The following CKAP5 variants were observed in gnomAD, a reference collection of about 807,000 sequenced individuals.
The protein encoded by CKAP5 is cytoskeleton-associated protein 5.
Under a neutral mutation model 232.8 loss-of-function variants are expected in CKAP5, and 27 were observed. The ratio of observed to expected loss-of-function variants is 0.12; its 90% CI spans 0.09 to 0.16. The LOEUF (loss-of-function observed/expected upper bound fraction) is 0.16, where lower values mean the gene tolerates loss of function less well. Among genes scored for constraint, CKAP5 ranks in the 10% least tolerant of loss-of-function variants. The pLI is 1.00. For synonymous variants in CKAP5, 785 were observed against 841.1 expected (o/e 0.93, Z 1.16); for missense variants, 1,838 against 2,424.7 (o/e 0.76, Z 5.08).
rs1275635693 is a variant in CKAP5, at chr11:46,759,459, G to A, written c.4395-17C>T. 10 of 1,607,126 alleles carry A rather than the reference G, an allele frequency of 6.2e-6. No individual in the cohort carries two copies. The highest frequency in any genetic ancestry group is 8.5e-6 in the Non-Finnish European group (10 of 1,177,362). On this transcript the variant is annotated splice_polypyrimidine_tract_variant and intron_variant, in intron 33 of 43. Transcript: ENST00000529230. ...CGGGCTTGGCTAAGGGAAGCAAAAG[G>A]AGGCTCCTGAACTAAAAGAGACTTC... is the stretch of plus-strand genomic sequence containing the variant.
Position 46,828,837 on chromosome 11 carries a change from G to A in CKAP5, c.-37-7569C>T, listed in dbSNP as rs941966034. Among the ~76,000 whole-genome samples the A allele has an allele frequency of 1.1e-4, 17 of 152,162 alleles. 2 individuals are homozygous for A. Among genetic ancestry groups the A allele is most frequent in the Middle Eastern group, 6.8e-3 (2 of 294 alleles). On this transcript the variant is annotated intron_variant, in intron 1 of 43. Coordinates refer to ENST00000529230, the MANE Select transcript of CKAP5 (RefSeq NM_001008938.4). The stretch of plus-strand genomic sequence containing the variant: ...ATTCATAGAACCAGAAAGTAGAATG[G>A]TAGTAACCAAAGATGGGGTGGGGGT...
rs1939457457 is a variant in CKAP5 at position 46,818,520 on chromosome 11, A to AT, written c.58-18dup. Reference sequence around the variant, plus strand: ...TTTCCACAGCTAAAAGAAAAGTAGTATTTTGAAACAAAACATAATTTAATG... The same window carrying AT: ...TTTCCACAGCTAAAAGAAAAGTAGTATTTTTGAAACAAAACATAATTTAATG... On this transcript the variant is annotated splice_polypyrimidine_tract_variant and intron_variant, in intron 2 of 43. Transcript: ENST00000529230. 1 of 1,504,132 alleles carries AT rather than the reference A, an allele frequency of 6.6e-7. No homozygotes were observed. The highest frequency in any genetic ancestry group is 1.3e-5 in the South Asian group (1 of 74,418). The allele number at this position is 1,504,132 out of a possible 1,614,324, so 93.2% of individuals were successfully genotyped here.
At chr11:46,813,224 A>G (rs375160318) in intron 4 of CKAP5, among the ~76,000 whole-genome samples, 2 of 152,198 alleles carry the variant, frequency 1.3e-5, no homozygotes, top group African/African-American at 4.8e-5. Context: ...TTACATTTTA[A>G]CTTGGCTCAG....
At chr11:46,802,553 G>GAGACACACACACACACAC (rs1555165924) in intron 8 of CKAP5, among the ~76,000 whole-genome samples, 12 of 142,458 alleles carry the variant, frequency 8.4e-5, no homozygotes, top group African/African-American at 3.3e-4. Flanking sequence ...CAGACAGACA[G>GAGACACACACACACACAC]ACAGACACAC....
Position 46,811,003 on chromosome 11 carries a change from T to G in CKAP5, c.630+4A>C, listed in dbSNP as rs1939262429. 3 of 1,573,480 alleles carry G rather than the reference T, an allele frequency of 1.9e-6. No homozygotes were observed. The highest frequency in any genetic ancestry group is 1.9e-5 in the Admixed American group (1 of 53,132). On this transcript the variant is annotated splice_donor_region_variant and intron_variant, in intron 5 of 43. Coordinates refer to ENST00000529230, the MANE Select transcript of CKAP5 (RefSeq NM_001008938.4). ...GAAAGCAACCAGAAAACTTTTTGTC[T>G]CACCTGAACAGAGTTTATATTTTGT...
intron 3 of CKAP5, among the ~76,000 whole-genome samples, chr11:46,817,298 G>A (rs987713506): frequency 2.0e-5 from 3 of 152,026 alleles, no homozygotes; most frequent in South Asian, 2.1e-4. Context: ...TTTTTAAGTC[G>A]TTTTAAACAC....
intron 27 of CKAP5, among the ~76,000 whole-genome samples, chr11:46,766,294 A>C (rs2065202055): frequency 6.6e-6 from 1 of 152,256 alleles, no homozygotes; most frequent in Non-Finnish European, 1.5e-5. Context: ...GAAAAAAATT[A>C]TGGCATTAAG....
intron 36 of CKAP5, among the ~76,000 whole-genome samples, chr11:46,753,993 T>C (rs1014353405): frequency 1.3e-5 from 2 of 151,974 alleles, no homozygotes; most frequent in African/African-American, 4.8e-5. Flanking sequence ...TGCTTCTAAT[T>C]GTGAAATTTT....
intron 1 of CKAP5, among the ~76,000 whole-genome samples, chr11:46,840,756 G>A (rs531169628): frequency 1.3e-5 from 2 of 152,096 alleles, no homozygotes; most frequent in South Asian, 2.1e-4. Flanking sequence ...TAAACTGGCT[G>A]GAAAATGTGT....
rs200823598 is a variant in CKAP5 at position 46,750,267 on chromosome 11, A to G, written c.5704+7T>C. ...CTTATTCCTGGAGCTATAACAGGAA[A>G]CCATACCTGTTGAAGTGGAAATACG... is the stretch of plus-strand genomic sequence containing the variant. On this transcript the variant is annotated splice_region_variant and intron_variant, in intron 42 of 43. Transcript: ENST00000529230. 2.9e-5 allele frequency: 46 copies of G among 1,612,830 alleles called. No homozygotes were observed. The highest frequency in any genetic ancestry group is 7.6e-6 in the Non-Finnish European group (9 of 1,179,516).
chr11:46,750,986 G>A lies in CKAP5; in HGVS notation c.5460+132C>T, dbSNP rs181390863. ...GGAAATGGTTACTGCACCACAGCAG[G>A]AGACTGATTCAACCAGTCCATGAGC... On this transcript the variant is annotated intron_variant, in intron 40 of 43. Coordinates refer to ENST00000529230, the MANE Select transcript of CKAP5 (RefSeq NM_001008938.4). The A allele has an allele frequency of 2.1e-4, 209 of 1,010,780 alleles. 2 individuals carry two copies. The East Asian group carries it at 5.0e-3, about 24-fold the overall frequency. The allele number at this position is 1,010,780 out of a possible 1,614,324, so 62.6% of individuals were successfully genotyped here.
At chr11:46,819,298 T>C (rs577054183) in intron 2 of CKAP5, among the ~76,000 whole-genome samples, 1 of 152,198 alleles carries the variant, frequency 6.6e-6, no homozygotes, top group Admixed American at 6.5e-5. Context: ...CAAGGCCCTA[T>C]GGCAGCAGGG....
chr11:46,840,904 A>T (rs536619201), intron 1 of CKAP5, among the ~76,000 whole-genome samples: 1 of 152,276 alleles, frequency 6.6e-6, no homozygotes, highest in East Asian at 1.9e-4. Context: ...TCAGATTGGC[A>T]TCTGAGTTGG....
chr11:46,753,153 A>G (rs1228325299), intron 37 of CKAP5, 157 bp downstream of exon 37: 1 of 544,088 alleles, frequency 1.8e-6, no homozygotes, highest in South Asian at 3.1e-5. Context: ...TTTAACTGAT[A>G]TAGTTATAAC....
intron 16 of CKAP5, among the ~76,000 whole-genome samples, chr11:46,786,227 G>C (rs916045855): frequency 1.3e-5 from 2 of 152,170 alleles, no homozygotes; most frequent in African/African-American, 2.4e-5. Flanking sequence ...ATTTTAGTAA[G>C]GACAGTGAGG....
In CKAP5 at chr11:46,770,903, T is replaced by A. The variant is rs1319898469; in HGVS notation, c.3071A>T (p.Tyr1024Phe). The change falls in exon 25 of 44, where the codon TAC becomes TTC. Residue 1024 changes from tyrosine (Y) to phenylalanine (F), a missense_variant. By Grantham distance (22) the Tyr-to-Phe change is conservative. Around this residue, in one of 6 missense-constraint regions of CKAP5, gnomAD observed 767 missense variants for 954.6 expected, o/e 0.80. Transcript: ENST00000529230. ...TCCATTTCGATCTTCTAGGCAGGAGTAGAGATGAGGAACACAAAGGATAAG... is the reference window on the plus strand; with the variant it reads ...TCCATTTCGATCTTCTAGGCAGGAGAAGAGATGAGGAACACAAAGGATAAG... ...TDLILCVPHL[Y>F]SCLEDRNGDV... The A allele has an allele frequency of 1.9e-6, 3 of 1,613,646 alleles. No homozygotes were observed. Among genetic ancestry groups the A allele is most frequent in the East Asian group, 2.2e-5 (1 of 44,862 alleles).
rs538137831 is a variant in CKAP5, at chr11:46,770,151, A to C, written c.3187-53T>G. 2.5e-5 allele frequency: 39 copies of C among 1,575,192 alleles called. No homozygotes were observed. In the African/African-American group the frequency reaches 5.1e-4, roughly 21 times the overall value. On this transcript the variant is annotated intron_variant, in intron 25 of 43. Coordinates refer to ENST00000529230, the MANE Select transcript of CKAP5 (RefSeq NM_001008938.4). ...GAGAGGTCACATAAATGATAAAGTC[A>C]TACAAAGCTTATGAACAAATCCTCT...
intron 34 of CKAP5, 111 bp from the exon 35 acceptor site, chr11:46,759,154 T>C: frequency 6.6e-7 from 1 of 1,505,982 alleles, no homozygotes; most frequent in Non-Finnish European, 9.0e-7. Flanking sequence ...ACTGCTATCA[T>C]TCAAAAAATA....
At position 46,759,275 on chromosome 11, in the gene CKAP5, T is replaced by C. The variant is rs868733513; in HGVS notation, c.4562A>G (p.Glu1521Gly). 3.1e-6 allele frequency: 5 copies of C among 1,612,524 alleles called. No individual in the cohort carries two copies. The highest frequency in any genetic ancestry group is 2.7e-5 in the African/African-American group (2 of 74,862). ...DDIFEPVLIP[E>G]PKIRAVSPHF... ...ATGAAAGAGTTTAACTCACTTGGGT[T>C]CAGGAATAAGGACTGGCTCAAAAAT... Residue 1521 changes from glutamate (E) to glycine (G), a missense_variant, in exon 34 of 44, where the codon GAA becomes GGA. Transcript: ENST00000529230.
Sources: gnomAD v4.1 joint callset for allele counts (sites outside exome capture counted in the v4.1 genomes callset) on GRCh38, gnomAD v4.1.1 for gene constraint, gnomAD v4.1.1 regional missense constraint, MANE v1.5 for transcripts, NCBI Gene and HGNC (gene_info 2026-07-23, HGNC 2026-07-21) for gene names.